The following RIT2 variants were observed in gnomAD, a reference collection of about 807,000 sequenced individuals.
RIT2 encodes the protein GTP-binding protein Rit2.
Under a neutral mutation model 23.7 loss-of-function variants are expected in RIT2, and 24 were observed. That is an observed-to-expected ratio of 1.01 (90% CI 0.73 to 1.43). The LOEUF (loss-of-function observed/expected upper bound fraction) is 1.43, where lower values mean the gene tolerates loss of function less well. Among genes scored for constraint, RIT2 ranks in the 40% most tolerant of loss-of-function variants. RIT2 has a pLI of 0.00. For synonymous variants in RIT2, 107 were observed against 91.1 expected, an observed-to-expected ratio of 1.17 and a Z score of -0.99; for missense variants, 236 against 266.9, an observed-to-expected ratio of 0.88 and a Z score of 0.81.
intron 4 of RIT2, among the ~76,000 whole-genome samples, chr18:42,775,648 G>C (rs1165566743): frequency 1.3e-5 from 2 of 151,946 alleles, no homozygotes; most frequent in Admixed American, 6.6e-5. Flanking sequence ...AGTGAGCCTA[G>C]ATCGCGCCAC....
chr18:43,055,894 T>C (rs1912491222), intron 1 of RIT2, among the ~76,000 whole-genome samples: 1 of 152,092 alleles, frequency 6.6e-6, no homozygotes, highest in African/African-American at 2.4e-5. Flanking sequence ...GAAAGACAGG[T>C]ACCTTGGTGT....
chr18:42,920,891 T>C, intron 4 of RIT2: 1 of 657,176 alleles, frequency 1.5e-6, no homozygotes, highest in Non-Finnish European at 2.6e-6. Context: ...AGAATTCTTT[T>C]GAGCTGCAAA....
chr18:42,820,645 G>T (rs1906122651), intron 4 of RIT2, among the ~76,000 whole-genome samples: 2 of 152,062 alleles, frequency 1.3e-5, no homozygotes, highest in Non-Finnish European at 2.9e-5. Context: ...ATTAAGGTGG[G>T]TCTCTCTACA....
chr18:42,746,861 G>A (rs1350853041), intron 4 of RIT2, among the ~76,000 whole-genome samples: 1 of 152,062 alleles, frequency 6.6e-6, no homozygotes, highest in Non-Finnish European at 1.5e-5. Flanking sequence ...ATCCCTTTGT[G>A]ATTAAAACCC....
rs1914052409 is a variant in RIT2, at chr18:43,115,638, C to G, written c.-119G>C. The G allele has an allele frequency of 1.4e-6, 2 of 1,391,158 alleles. No homozygotes were observed. The highest frequency in any genetic ancestry group is 1.5e-5 in the African/African-American group (1 of 67,780). 86.2% of individuals were successfully genotyped at this position (1,391,158 alleles called of 1,614,324 possible). On this transcript the variant is annotated 5_prime_UTR_variant, in exon 1 of 5. Transcript: ENST00000326695. ...CAAAGGTTTTAGTACGAGGTAAGAA[C>G]CATCAGCGTCGGGCTGGCTGCTGGT...
intron 4 of RIT2, among the ~76,000 whole-genome samples, chr18:42,878,565 CTGTGTGTGTGTGTG>C (rs71371607): frequency 2.0e-5 from 3 of 147,608 alleles, no homozygotes; most frequent in African/African-American, 5.0e-5. Flanking sequence ...AGATTCAACT[CTGTGTGTGTGTGTG>C]TGTGTGTGTG....
rs1264257132 is a variant in RIT2 at position 43,091,420 on chromosome 18, A to T, written c.103+23997T>A. On this transcript the variant is annotated intron_variant, in intron 1 of 4. Transcript: ENST00000326695. Reference sequence around the variant, plus strand: ...AATATCTTTGGGTAGGAGCTTGATCATCAGTTCTAACATTTAGATTATAGA... The same window carrying T: ...AATATCTTTGGGTAGGAGCTTGATCTTCAGTTCTAACATTTAGATTATAGA... Among the ~76,000 whole-genome samples, 5 of 152,224 alleles carry T rather than the reference A, an allele frequency of 3.3e-5. No homozygotes were observed. The East Asian group carries it at 9.6e-4, about 29-fold the overall frequency.
intron 1 of RIT2, among the ~76,000 whole-genome samples, chr18:43,042,896 G>A (rs1227320138): frequency 2.0e-5 from 3 of 151,932 alleles, no homozygotes; most frequent in African/African-American, 4.8e-5. Flanking sequence ...TATTATGGTA[G>A]GTAGGATAAA....
intron 2 of RIT2, 107 bp downstream of exon 2, chr18:43,033,702 GGT>G (rs2144284265): frequency 7.8e-6 from 6 of 764,500 alleles, no homozygotes; most frequent in African/African-American, 1.8e-5. Flanking sequence ...ATGTGTTCTG[GGT>G]CATAGAGTAA....
chr18:42,986,042 CTTT>C (rs1271886309), intron 2 of RIT2, among the ~76,000 whole-genome samples: 4 of 136,180 alleles, frequency 2.9e-5, no homozygotes, highest in Non-Finnish European at 4.8e-5. Flanking sequence ...TTTTTCTTTT[CTTT>C]TTTTTTTTTT....
At chr18:42,912,566 G>A (rs570380862) in intron 4 of RIT2, among the ~76,000 whole-genome samples, 9 of 151,962 alleles carry the variant, frequency 5.9e-5, no homozygotes, top group Middle Eastern at 3.4e-3. Flanking sequence ...AGTTTCTCTC[G>A]TGTTCAGTAA....
At chr18:42,801,741 C>A (rs1286887750) in intron 4 of RIT2, among the ~76,000 whole-genome samples, 2 of 152,062 alleles carry the variant, frequency 1.3e-5, no homozygotes. Flanking sequence ...GACTGTCATT[C>A]TTTCTTTCTT....
intron 4 of RIT2, among the ~76,000 whole-genome samples, chr18:42,870,163 ATCACAATACATCTGG>A (rs1907584568): frequency 6.6e-6 from 1 of 152,240 alleles, no homozygotes; most frequent in Admixed American, 6.5e-5. Context: ...TTAAGGAAAA[ATCACAATACATCTGG>A]TTCAGATTTA....
At chr18:43,035,712 T>C (rs916615657) in intron 1 of RIT2, among the ~76,000 whole-genome samples, 1 of 152,200 alleles carries the variant, frequency 6.6e-6, no homozygotes, top group African/African-American at 2.4e-5. Flanking sequence ...TCATTAAATT[T>C]GTTTAACCAG....
At chr18:43,021,920 A>G (rs1911606658) in intron 2 of RIT2, among the ~76,000 whole-genome samples, 1 of 152,146 alleles carries the variant, frequency 6.6e-6, no homozygotes, top group South Asian at 2.1e-4. Flanking sequence ...AACTAAAAGT[A>G]GAACGATCAT....
intron 1 of RIT2, among the ~76,000 whole-genome samples, chr18:43,048,452 C>G (rs1402944381): frequency 2.6e-5 from 4 of 152,126 alleles, no homozygotes; most frequent in Non-Finnish European, 4.4e-5. Context: ...AAGACATTTC[C>G]TGGATATTTA....
chr18:42,921,703 G>A (rs73473629), intron 4 of RIT2, among the ~76,000 whole-genome samples: 1,664 of 152,230 alleles, frequency 0.011, 32 homozygotes, highest in African/African-American at 0.039. Flanking sequence ...GTTTTTCAGA[G>A]TCACTTATAG....
chr18:42,957,713 G>A (rs537485413), intron 3 of RIT2, among the ~76,000 whole-genome samples: 3 of 152,236 alleles, frequency 2.0e-5, no homozygotes, highest in East Asian at 3.9e-4. Context: ...GAACCCAGGA[G>A]GTGGAGGTTG....
intron 1 of RIT2, among the ~76,000 whole-genome samples, chr18:43,035,266 A>T (rs73951796): frequency 0.087 from 13,185 of 152,282 alleles, 688 homozygotes; most frequent in Non-Finnish European, 0.11. Flanking sequence ...GTCTCTACAT[A>T]TAAGTATTAC....
Sources: gnomAD v4.1 joint callset for allele counts (sites outside exome capture counted in the v4.1 genomes callset) on GRCh38, gnomAD v4.1.1 for gene constraint, MANE v1.5 for transcripts, NCBI Gene and HGNC (gene_info 2026-07-23, HGNC 2026-07-21) for gene names.